The following ZNF573 variants were observed in gnomAD, a reference collection of about 807,000 sequenced individuals.
The protein encoded by ZNF573 is zinc finger protein 573.
ZNF573 carries 41 observed loss-of-function variants against 57.4 expected under a neutral mutation model. The ratio of observed to expected loss-of-function variants is 0.71; its 90% CI spans 0.56 to 0.93. The LOEUF (loss-of-function observed/expected upper bound fraction) is 0.93. Ranked by LOEUF, ZNF573 falls within the 40% of genes least tolerant of loss-of-function variation. The pLI is 0.00. For synonymous variants in ZNF573, 249 were observed against 261.0 expected, an observed-to-expected ratio of 0.95 and a Z score of 0.44; for missense variants, 730 against 794.8, an observed-to-expected ratio of 0.92 and a Z score of 0.98.
At chr19:37,759,893 A>G (rs1040697811) in intron 4 of ZNF573, among the ~76,000 whole-genome samples, 1 of 152,238 alleles carries the variant, frequency 6.6e-6, no homozygotes, top group Non-Finnish European at 1.5e-5. Flanking sequence ...ATGATTAGAT[A>G]TTACTGCCAG....
chr19:37,771,473 T>C, intron 3 of ZNF573, 91 bp downstream of exon 3: 1 of 1,434,394 alleles, frequency 7.0e-7, no homozygotes, highest in South Asian at 1.3e-5. Flanking sequence ...GAAATTCAAC[T>C]ATGTCTTGAA....
At chr19:37,772,699 T>C (rs1273260478) in intron 2 of ZNF573, among the ~76,000 whole-genome samples, 2 of 151,062 alleles carry the variant, frequency 1.3e-5, no homozygotes, top group Non-Finnish European at 3.0e-5. Context: ...AGTGACACAA[T>C]CACTGCTCAC....
rs141894085 is a variant in ZNF573, at chr19:37,748,976, T to C, written c.296-8782A>G. Reference sequence around the variant, plus strand: ...CTAAGACCTAAATGCAATGTATGAATACACAATGGATCCTGGAAACATTTT... The same window carrying C: ...CTAAGACCTAAATGCAATGTATGAACACACAATGGATCCTGGAAACATTTT... On this transcript the variant is annotated intron_variant, in intron 4 of 4. Transcript: ENST00000536220. 4.2e-3 allele frequency among the ~76,000 whole-genome samples: 566 copies of C among 135,210 alleles called. 5 individuals are homozygous for C. Among genetic ancestry groups the C allele is most frequent in the Non-Finnish European group, 7.4e-3 (467 of 63,106 alleles). 88.7% of individuals were successfully genotyped at this position (135,210 alleles called of 152,430 possible).
chr19:37,738,823 C>T lies in ZNF573; in HGVS notation c.1667G>A (p.Cys556Tyr), dbSNP rs1323504196. 5.0e-6 allele frequency: 8 copies of T among 1,613,590 alleles called. No homozygotes were observed. The highest frequency in any genetic ancestry group is 6.8e-6 in the Non-Finnish European group (8 of 1,179,938). Residue 556 changes from cysteine (C) to tyrosine (Y), a missense_variant, in exon 5 of 5, where the codon TGT becomes TAT. By Grantham distance (194) the Cys-to-Tyr change is radical (BLOSUM62 -2). Coordinates refer to ENST00000536220, the MANE Select transcript of ZNF573 (RefSeq NM_001172690.2). ...SIHTDEKPFE[C>Y]KECGKTFRRS... ...TCTAAAGGTCTTCCCACATTCCTTA[C>T]ATTCAAAAGGTTTCTCATCAGTATG...
rs1371680959 is a variant in ZNF573 at position 37,739,574 on chromosome 19, T to A, written c.916A>T (p.Lys306Ter). ...HTDEKPYICE[K>*]CGKAFRRGHQ... Reference sequence around the variant, plus strand: ...CCTCTTCTAAAGGCCTTTCCACATTTCTCACATATGTATGGCTTCTCATCA... The same window carrying A: ...CCTCTTCTAAAGGCCTTTCCACATTACTCACATATGTATGGCTTCTCATCA... The change falls in exon 5 of 5, where the codon AAA becomes TAA. Residue 306 changes from lysine to a stop codon, truncating the protein, a stop_gained. Coordinates refer to ENST00000536220, the MANE Select transcript of ZNF573 (RefSeq NM_001172690.2). LOFTEE classifies it high-confidence loss of function. 1 of 1,613,446 alleles carries A rather than the reference T, an allele frequency of 6.2e-7. No homozygotes were observed.
At chr19:37,743,335 AAAG>A (rs1555739524) in intron 4 of ZNF573, among the ~76,000 whole-genome samples, 10 of 150,986 alleles carry the variant, frequency 6.6e-5, no homozygotes, top group South Asian at 4.2e-4. Context: ...AAAAAAAAAA[AAAG>A]AAGAAGAAGA....
At chr19:37,776,969 T>A (rs900433714) in intron 1 of ZNF573, among the ~76,000 whole-genome samples, 6 of 152,144 alleles carry the variant, frequency 3.9e-5, no homozygotes, top group Admixed American at 1.3e-4. Flanking sequence ...ACCATAATTT[T>A]AAAAAATCAA....
At chr19:37,773,525 A>T in intron 2 of ZNF573, 136 bp downstream of exon 2, 4 of 599,446 alleles carry the variant, frequency 6.7e-6, no homozygotes, top group Non-Finnish European at 1.1e-5. Flanking sequence ...ATTTGCTATC[A>T]CTATTCACAA....
chr19:37,740,853 T>G (rs191219424), intron 4 of ZNF573: 1 of 273,166 alleles, frequency 3.7e-6, no homozygotes, highest in East Asian at 9.8e-5. Context: ...CCTATAAACA[T>G]CTTCCTGTAT....
At chr19:37,743,335 A>AG (rs975220970) in intron 4 of ZNF573, among the ~76,000 whole-genome samples, 22 of 150,976 alleles carry the variant, frequency 1.5e-4, no homozygotes, top group Non-Finnish European at 2.2e-4. Context: ...AAAAAAAAAA[A>AG]AAGAAGAAGA....
intron 1 of ZNF573, among the ~76,000 whole-genome samples, chr19:37,779,028 C>T (rs1422009679): frequency 6.6e-6 from 1 of 152,172 alleles, no homozygotes; most frequent in Non-Finnish European, 1.5e-5. Context: ...CAGTATCCAA[C>T]TTCCCTCTTG....
rs1312029373 is a variant in ZNF573 at position 37,770,093 on chromosome 19, T to C, written c.207A>G (p.Gly69=). 5 of 1,548,184 alleles carry C rather than the reference T, an allele frequency of 3.2e-6. No individual in the cohort carries two copies. Among genetic ancestry groups the C allele is most frequent in the Non-Finnish European group, 4.4e-6 (5 of 1,145,778 alleles). ...CCACAACTGGTTTAGAAATGGAATG[T>C]CCTCCTTATAAGAAAAGAAATGCCA... is the stretch of plus-strand genomic sequence containing the variant. ...ENYRNLVSLG[G]HSISKPVVVD... The change falls in exon 4 of 5, where the codon GGA becomes GGG. Residue 69 remains glycine (G), a synonymous_variant. Coordinates refer to ENST00000536220, the MANE Select transcript of ZNF573 (RefSeq NM_001172690.2).
intron 4 of ZNF573, among the ~76,000 whole-genome samples, chr19:37,751,757 T>TAC (rs2045437947): frequency 8.1e-6 from 1 of 123,938 alleles, no homozygotes; most frequent in Non-Finnish European, 1.7e-5. Flanking sequence ...GTACCGTATA[T>TAC]ACTGTATATA....
intron 4 of ZNF573, among the ~76,000 whole-genome samples, chr19:37,765,340 A>C (rs1323684233): frequency 6.6e-6 from 1 of 152,350 alleles, no homozygotes; most frequent in Admixed American, 6.5e-5. Context: ...ATGGCTGACT[A>C]AAGGCTTGGT....
Position 37,740,262 on chromosome 19 carries a change from C to A in ZNF573, c.296-68G>T. ...CCAGAGAACAAGAAACTTTATGCAA[C>A]AAAGAAAAACCAACATTCATAATAA... On this transcript the variant is annotated intron_variant, in intron 4 of 4. Transcript: ENST00000536220. 7.3e-7 allele frequency: 1 copy of A among 1,379,282 alleles called. No homozygotes were observed. Among genetic ancestry groups the A allele is most frequent in the Non-Finnish European group, 9.8e-7 (1 of 1,025,044 alleles). 85.4% of individuals were successfully genotyped at this position (1,379,282 alleles called of 1,614,324 possible).
At chr19:37,778,024 CAAAA>C (rs34141847) in intron 1 of ZNF573, among the ~76,000 whole-genome samples, 1 of 56,134 alleles carries the variant, frequency 1.8e-5, no homozygotes, top group Non-Finnish European at 3.7e-5. Context: ...GACTCTGTCT[CAAAA>C]AAAAAAAAAA....
intron 4 of ZNF573, among the ~76,000 whole-genome samples, chr19:37,744,868 G>A: frequency 6.6e-6 from 1 of 150,878 alleles, no homozygotes; most frequent in East Asian, 1.9e-4. Flanking sequence ...TCCAAGCTCT[G>A]CCTCCCAGGT....
rs539320709 is a variant in ZNF573, at chr19:37,771,475, T to G, written c.202+89A>C. 5.4e-5 allele frequency: 78 copies of G among 1,438,068 alleles called. No homozygotes were observed. The Middle Eastern group carries it at 1.6e-3, about 30-fold the overall frequency. The allele number at this position is 1,438,068 out of a possible 1,614,324, so 89.1% of individuals were successfully genotyped here. Reference sequence around the variant, plus strand: ...AGAACAGGAAGGAGAAATTCAACTATGTCTTGAAATATGGCCTTGAAATTC... The same window carrying G: ...AGAACAGGAAGGAGAAATTCAACTAGGTCTTGAAATATGGCCTTGAAATTC... On this transcript the variant is annotated intron_variant, in intron 3 of 4. Coordinates refer to ENST00000536220, the MANE Select transcript of ZNF573 (RefSeq NM_001172690.2).
At chr19:37,775,785 C>A (rs552644963) in intron 1 of ZNF573, among the ~76,000 whole-genome samples, 4 of 149,418 alleles carry the variant, frequency 2.7e-5, no homozygotes, top group South Asian at 2.1e-4. Flanking sequence ...TTGCTATATA[C>A]CAACATCGGC....
Sources: allele counts gnomAD v4.1 joint callset (sites outside exome capture counted in the v4.1 genomes callset), GRCh38; gene constraint gnomAD v4.1.1; transcripts MANE v1.5; gene names NCBI Gene and HGNC (gene_info 2026-07-23, HGNC 2026-07-21).